The following DLGAP2 variants were observed in gnomAD, a reference collection of about 807,000 sequenced individuals.
The protein encoded by DLGAP2 is DLG associated protein 2, also known as disks large-associated protein 2.
DLGAP2 carries 26 observed loss-of-function variants against 100.3 expected under a neutral mutation model. The observed-to-expected ratio is 0.26, with a 90% CI of 0.19 to 0.36. The LOEUF is 0.36. Ranked by LOEUF, DLGAP2 falls within the 10% of genes least tolerant of loss-of-function variation. The probability of loss-of-function intolerance (pLI) is 1.00; values close to 1 mark genes in which losing one functional copy is unlikely to be tolerated. For missense variants in DLGAP2, 1,858 were observed against 1,453.2 expected (o/e 1.28, Z -4.53); for synonymous variants, 886 against 630.1 (o/e 1.41, Z -6.08).
intron 2 of DLGAP2, among the ~76,000 whole-genome samples, chr8:963,401 A>G (rs2129010548): frequency 6.6e-6 from 1 of 152,314 alleles, no homozygotes; most frequent in Admixed American, 6.5e-5. Flanking sequence ...AAGATAAAGA[A>G]TAACCTTTTA....
chr8:897,104 A>C (rs1035846829), intron 1 of DLGAP2, among the ~76,000 whole-genome samples: 22 of 152,148 alleles, frequency 1.4e-4, no homozygotes, highest in African/African-American at 5.3e-4. Flanking sequence ...CTGCGCTTGG[A>C]GTGGGGGTTC....
At chr8:861,628 C>G (rs1419096857) in intron 1 of DLGAP2, among the ~76,000 whole-genome samples, 3 of 152,188 alleles carry the variant, frequency 2.0e-5, no homozygotes, top group Non-Finnish European at 2.9e-5. Context: ...AATGTGAAAT[C>G]AAATATGGAA....
At chr8:1,592,617 C>T (rs142588050) in intron 6 of DLGAP2, among the ~76,000 whole-genome samples, 16 of 152,256 alleles carry the variant, frequency 1.1e-4, no homozygotes, top group African/African-American at 3.4e-4. Flanking sequence ...CATTACTGGA[C>T]AACTTCTAAC....
intron 1 of DLGAP2, among the ~76,000 whole-genome samples, chr8:753,111 C>T (rs1361170775): frequency 2.6e-5 from 4 of 152,116 alleles, no homozygotes; most frequent in Admixed American, 2.6e-4. Flanking sequence ...TGTTGAGAAG[C>T]CAGGAGGGTT....
intron 1 of DLGAP2, among the ~76,000 whole-genome samples, chr8:874,723 G>C (rs1797658187): frequency 6.6e-6 from 1 of 152,140 alleles, no homozygotes; most frequent in Non-Finnish European, 1.5e-5. Flanking sequence ...GTGATTGCTA[G>C]GTCTAATGGG....
At chr8:766,044 G>A (rs754473512) in intron 1 of DLGAP2, among the ~76,000 whole-genome samples, 1 of 152,188 alleles carries the variant, frequency 6.6e-6, no homozygotes, top group Non-Finnish European at 1.5e-5. Flanking sequence ...GCATGTACCT[G>A]TAATCTCAGC....
intron 1 of DLGAP2, among the ~76,000 whole-genome samples, chr8:902,175 C>G (rs1198547908): frequency 6.6e-6 from 1 of 152,214 alleles, no homozygotes; most frequent in Admixed American, 6.5e-5. Flanking sequence ...CAGATCCAAG[C>G]CCGGCCGCTC....
chr8:1,437,980 C>A (rs1797699842), intron 3 of DLGAP2, among the ~76,000 whole-genome samples: 1 of 151,938 alleles, frequency 6.6e-6, no homozygotes, highest in South Asian at 2.1e-4. Context: ...GAGCAAAACT[C>A]CATCTCAAAA....
intron 9 of DLGAP2, 84 bp downstream of exon 9, chr8:1,668,762 C>T (rs1798613604): frequency 1.6e-6 from 2 of 1,265,816 alleles, no homozygotes; most frequent in South Asian, 3.1e-5. Context: ...CAACCAGCGG[C>T]CCTGGGTCCT....
intron 1 of DLGAP2, among the ~76,000 whole-genome samples, chr8:787,248 T>G (rs1437761072): frequency 6.6e-6 from 1 of 152,112 alleles, no homozygotes; most frequent in African/African-American, 2.4e-5. Context: ...TGTTCGAACG[T>G]TAGTAACTAT....
At chr8:1,505,838 A>T (rs1387201001) in intron 4 of DLGAP2, among the ~76,000 whole-genome samples, 2 of 152,190 alleles carry the variant, frequency 1.3e-5, no homozygotes, top group Non-Finnish European at 2.9e-5. Context: ...CGAATGTTAT[A>T]TTTAAATCAG....
At chr8:1,208,498 A>G (rs1048218496) in intron 2 of DLGAP2, among the ~76,000 whole-genome samples, 4 of 152,210 alleles carry the variant, frequency 2.6e-5, no homozygotes, top group South Asian at 2.1e-4. Context: ...AAAGTCATCT[A>G]TGACACACTA....
chr8:1,373,526 A>G (rs1308392738), intron 3 of DLGAP2, among the ~76,000 whole-genome samples: 1 of 152,216 alleles, frequency 6.6e-6, no homozygotes, highest in African/African-American at 2.4e-5. Context: ...GGCAGTGGGC[A>G]ATTGTTCTCT....
chr8:1,492,543 G>A (rs1799418680), intron 3 of DLGAP2, among the ~76,000 whole-genome samples: 1 of 152,208 alleles, frequency 6.6e-6, no homozygotes, highest in African/African-American at 2.4e-5. Context: ...ACACCCGATG[G>A]GGACCGCGCT....
rs370539058 is a variant in DLGAP2, at chr8:1,309,166, C to T, written c.106+50283C>T. Among the ~76,000 whole-genome samples, 22 of 151,254 alleles carry T rather than the reference C, an allele frequency of 1.5e-4. 1 individual carries two copies. The highest frequency in any genetic ancestry group is 9.2e-4 in the Admixed American group (14 of 15,216). On this transcript the variant is annotated intron_variant, in intron 3 of 14. Transcript: ENST00000637795. Reference sequence around the variant, plus strand: ...GAGTCTCCGAAAAGGGAAAAGAGAACGAAATGAAAAGAAAGAATATTTGGA... The same window carrying T: ...GAGTCTCCGAAAAGGGAAAAGAGAATGAAATGAAAAGAAAGAATATTTGGA...
intron 1 of DLGAP2, among the ~76,000 whole-genome samples, chr8:826,553 G>A (rs915302814): frequency 5.9e-5 from 9 of 152,106 alleles, no homozygotes; most frequent in Non-Finnish European, 1.5e-5. Context: ...TTTGGGTGCT[G>A]GGTATTTTGT....
At chr8:743,950 C>A (rs1007859593) in intron 1 of DLGAP2, among the ~76,000 whole-genome samples, 6 of 152,258 alleles carry the variant, frequency 3.9e-5, no homozygotes, top group African/African-American at 1.4e-4. Context: ...GGGCTGAAGA[C>A]GTGGATTCAC....
chr8:1,138,290 G>A (rs1796458792), intron 2 of DLGAP2, among the ~76,000 whole-genome samples: 1 of 152,214 alleles, frequency 6.6e-6, no homozygotes, highest in Admixed American at 6.5e-5. Flanking sequence ...GAGCCACTTG[G>A]GGAGGCCTGG....
At chr8:1,364,663 C>T (rs1173379607) in intron 3 of DLGAP2, among the ~76,000 whole-genome samples, 1 of 152,220 alleles carries the variant, frequency 6.6e-6, no homozygotes, top group African/African-American at 2.4e-5. Context: ...GTGAAAATTG[C>T]TCTGGGCAAA....
Sources: gnomAD v4.1 joint callset for allele counts (sites outside exome capture counted in the v4.1 genomes callset) on GRCh38, gnomAD v4.1.1 for gene constraint, MANE v1.5 for transcripts, NCBI Gene and HGNC (gene_info 2026-07-23, HGNC 2026-07-21) for gene names.